The following CRPPA variants were observed in gnomAD, a reference collection of about 807,000 sequenced individuals.
CRPPA encodes the protein CDP-L-ribitol pyrophosphorylase A, also known as D-ribitol-5-phosphate cytidylyltransferase.
CRPPA carries 43 observed loss-of-function variants against 52.0 expected under a neutral mutation model. That is an observed-to-expected ratio of 0.83 (90% CI 0.65 to 1.07). CRPPA has a LOEUF of 1.07. Among genes scored for constraint, CRPPA ranks in the 50% least tolerant of loss-of-function variants. The probability of loss-of-function intolerance (pLI) is 0.00; values close to 1 mark genes in which losing one functional copy is unlikely to be tolerated. For synonymous variants in CRPPA, 250 were observed against 203.5 expected, an observed-to-expected ratio of 1.23 and a Z score of -1.94; for missense variants, 629 against 551.7, an observed-to-expected ratio of 1.14 and a Z score of -1.40.
intron 6 of CRPPA, among the ~76,000 whole-genome samples, chr7:16,275,357 C>T (rs1428071977): frequency 6.6e-6 from 1 of 152,062 alleles, no homozygotes; most frequent in East Asian, 1.9e-4. Flanking sequence ...AAAGCACATT[C>T]AAAACCAATA....
At chr7:16,156,956 C>T (rs1217693320) in intron 9 of CRPPA, among the ~76,000 whole-genome samples, 3 of 152,112 alleles carry the variant, frequency 2.0e-5, no homozygotes, top group African/African-American at 7.2e-5. Context: ...ACATCTTTTG[C>T]CTAACACAGC....
intron 8 of CRPPA, among the ~76,000 whole-genome samples, chr7:16,238,318 A>C (rs1323061073): frequency 1.3e-5 from 2 of 152,312 alleles, no homozygotes; most frequent in Non-Finnish European, 2.9e-5. Flanking sequence ...ATCCATATTA[A>C]GTAATCTATT....
chr7:16,345,309 G>C (rs573808012), intron 3 of CRPPA, among the ~76,000 whole-genome samples: 3 of 152,288 alleles, frequency 2.0e-5, no homozygotes, highest in African/African-American at 7.2e-5. Flanking sequence ...AGCAAAAGCT[G>C]AGAATCTGTT....
intron 3 of CRPPA, among the ~76,000 whole-genome samples, chr7:16,319,316 C>A (rs898997147): frequency 6.6e-6 from 1 of 152,092 alleles, no homozygotes; most frequent in Admixed American, 6.6e-5. Flanking sequence ...AAAAGGTCAC[C>A]CTTGAAGTCC....
chr7:16,217,635 G>A (rs1245218002), intron 8 of CRPPA, among the ~76,000 whole-genome samples: 4 of 146,494 alleles, frequency 2.7e-5, no homozygotes, highest in East Asian at 2.0e-4. Context: ...CGAGAACTAC[G>A]TGAAGAATGC....
chr7:16,251,318 C>T (rs529771243), intron 8 of CRPPA, among the ~76,000 whole-genome samples: 6 of 152,198 alleles, frequency 3.9e-5, no homozygotes, highest in African/African-American at 1.2e-4. Flanking sequence ...GACAGTTCAA[C>T]GAGACAGAAA....
chr7:16,141,315 C>G (rs1276752427), intron 9 of CRPPA, among the ~76,000 whole-genome samples: 2 of 152,130 alleles, frequency 1.3e-5, no homozygotes, highest in Admixed American at 6.5e-5. Flanking sequence ...TTTTAATATA[C>G]ACATTCTGAA....
intron 9 of CRPPA, among the ~76,000 whole-genome samples, chr7:16,124,827 T>C (rs1393131521): frequency 1.3e-5 from 2 of 152,014 alleles, no homozygotes; most frequent in African/African-American, 4.8e-5. Context: ...ATTGTACCCA[T>C]AAATATGTAC....
chr7:16,330,287 T>C lies in CRPPA; in HGVS notation c.685-21660A>G, dbSNP rs74368752. Reference sequence around the variant, plus strand: ...TAGCAGAAATGAGTGGATTCCATTCTCCAGAAGAATATTTAAAACAAGATC... The same window carrying C: ...TAGCAGAAATGAGTGGATTCCATTCCCCAGAAGAATATTTAAAACAAGATC... On this transcript the variant is annotated intron_variant, in intron 3 of 9. Coordinates refer to ENST00000407010, the MANE Select transcript of CRPPA (RefSeq NM_001101426.4). Among the ~76,000 whole-genome samples, 423 of 152,314 alleles carry C rather than the reference T, an allele frequency of 2.8e-3. 7 individuals carry two copies. Among genetic ancestry groups the C allele is most frequent in the East Asian group, 0.022 (116 of 5,176 alleles).
chr7:16,297,241 G>T (rs1369240999), intron 5 of CRPPA, among the ~76,000 whole-genome samples: 1 of 152,148 alleles, frequency 6.6e-6, no homozygotes, highest in African/African-American at 2.4e-5. Context: ...ATCTTACAGC[G>T]TTATTGTAAA....
intron 6 of CRPPA, among the ~76,000 whole-genome samples, chr7:16,272,966 T>TA (rs1193186883): frequency 6.6e-6 from 1 of 151,068 alleles, no homozygotes; most frequent in Non-Finnish European, 1.5e-5. Context: ...CTTTTTTTTT[T>TA]ATTTTATTAT....
At chr7:16,257,571 G>T (rs1783676519) in intron 8 of CRPPA, among the ~76,000 whole-genome samples, 1 of 152,060 alleles carries the variant, frequency 6.6e-6, no homozygotes, top group African/African-American at 2.4e-5. Flanking sequence ...ACTCAGTCAA[G>T]AGTTATTTAT....
intron 9 of CRPPA, among the ~76,000 whole-genome samples, chr7:16,214,134 C>G (rs1424738758): frequency 2.6e-5 from 4 of 152,102 alleles, no homozygotes; most frequent in African/African-American, 9.7e-5. Context: ...CATGTTAAAT[C>G]TGAATTTCAA....
chr7:16,256,056 C>G (rs865925012), intron 8 of CRPPA, among the ~76,000 whole-genome samples: 1 of 152,010 alleles, frequency 6.6e-6, no homozygotes, highest in Non-Finnish European at 1.5e-5. Context: ...TGACAAAGGT[C>G]GAATATCCAG....
intron 5 of CRPPA, among the ~76,000 whole-genome samples, chr7:16,282,026 T>C (rs987811579): frequency 2.3e-4 from 35 of 152,194 alleles, no homozygotes; most frequent in Admixed American, 1.6e-3. Flanking sequence ...TTCTGTCTTA[T>C]ATGTTTGTTT....
chr7:16,342,385 G>C (rs1012268069), intron 3 of CRPPA, among the ~76,000 whole-genome samples: 1 of 151,856 alleles, frequency 6.6e-6, no homozygotes, highest in Non-Finnish European at 1.5e-5. Context: ...TAAGAGACCA[G>C]GTAAATCATT....
rs1781810474 is a variant in CRPPA, at chr7:16,090,413, A to C, written c.*1282T>G. 6.6e-6 allele frequency: 1 copy of C among 151,992 alleles called. No individual in the cohort carries two copies. Among genetic ancestry groups the C allele is most frequent in the African/African-American group, 2.4e-5 (1 of 41,364 alleles). 9.4% of individuals were successfully genotyped at this position (151,992 alleles called of 1,614,324 possible). ...GCCCTAATCTGTTTCAATAAAATAAATGTATGTTGGCTGGGTATGGTGGCT... is the reference window on the plus strand; with the variant it reads ...GCCCTAATCTGTTTCAATAAAATAACTGTATGTTGGCTGGGTATGGTGGCT... On this transcript the variant is annotated 3_prime_UTR_variant, in exon 10 of 10. Coordinates refer to ENST00000407010, the MANE Select transcript of CRPPA (RefSeq NM_001101426.4).
intron 9 of CRPPA, among the ~76,000 whole-genome samples, chr7:16,134,249 T>A (rs1782726023): frequency 8.0e-6 from 1 of 125,114 alleles, no homozygotes; most frequent in Admixed American, 8.0e-5. Flanking sequence ...TTTCTTCACA[T>A]CTTTTCCCTA....
chr7:16,184,855 G>A (rs10081312), intron 9 of CRPPA, among the ~76,000 whole-genome samples: 13,799 of 152,042 alleles, frequency 0.091, 1,069 homozygotes, highest in African/African-American at 0.22. Flanking sequence ...CATAATCGTC[G>A]TTAGTGATTT....
Sources: gnomAD v4.1 joint callset for allele counts (sites outside exome capture counted in the v4.1 genomes callset) on GRCh38, gnomAD v4.1.1 for gene constraint, MANE v1.5 for transcripts, NCBI Gene and HGNC (gene_info 2026-07-23, HGNC 2026-07-21) for gene names.